The following RARB variants were observed in gnomAD, a reference collection of about 807,000 sequenced individuals.
The protein encoded by RARB is retinoic acid receptor beta.
Under a neutral mutation model 51.9 loss-of-function variants are expected in RARB, and 17 were observed. The observed-to-expected ratio is 0.33, with a 90% CI of 0.22 to 0.49. The LOEUF is 0.49. RARB is among the 20% of genes least tolerant of loss of function. The pLI, the probability that RARB is intolerant of heterozygous loss-of-function variation, is 0.99. For synonymous variants in RARB, 215 were observed against 195.4 expected (o/e 1.10, Z -0.84); for missense variants, 369 against 550.8 (o/e 0.67, Z 3.30).
At chr3:25,545,711 C>T (rs1214526890) in intron 3 of RARB, among the ~76,000 whole-genome samples, 1 of 152,122 alleles carries the variant, frequency 6.6e-6, no homozygotes, top group Non-Finnish European at 1.5e-5. Context: ...AGGGCTGCAC[C>T]CCTCTCTCCT....
At chr3:24,863,617 G>C (rs1575041726) in intron 2 of RARB, among the ~76,000 whole-genome samples, 1 of 151,818 alleles carries the variant, frequency 6.6e-6, no homozygotes, top group South Asian at 2.1e-4. Flanking sequence ...TTGTACGCCT[G>C]GCCTGTTCAT....
chr3:24,975,224 ATAATTC>A (rs1167214013), intron 2 of RARB, among the ~76,000 whole-genome samples: 4 of 152,292 alleles, frequency 2.6e-5, no homozygotes, highest in African/African-American at 7.2e-5. Flanking sequence ...GCATGTGCTG[ATAATTC>A]TAATTCTATC....
chr3:25,354,681 G>C (rs1705678599), intron 5 of RARB, among the ~76,000 whole-genome samples: 1 of 152,058 alleles, frequency 6.6e-6, no homozygotes, highest in South Asian at 2.1e-4. Flanking sequence ...ACTATTCTGA[G>C]TAAAATGCCT....
At chr3:25,467,446 G>C (rs1695487685) in intron 2 of RARB, among the ~76,000 whole-genome samples, 1 of 146,006 alleles carries the variant, frequency 6.8e-6, no homozygotes, top group Non-Finnish European at 1.5e-5. Flanking sequence ...CATTAGCCTA[G>C]CCTAGGCTTC....
At chr3:25,078,913 G>A (rs1170129949) in intron 3 of RARB, among the ~76,000 whole-genome samples, 3 of 152,090 alleles carry the variant, frequency 2.0e-5, no homozygotes, top group Non-Finnish European at 4.4e-5. Context: ...TCAGCTTGTC[G>A]AACTCTACAA....
At chr3:25,194,461 A>G (rs1043064287) in intron 5 of RARB, among the ~76,000 whole-genome samples, 4 of 151,062 alleles carry the variant, frequency 2.6e-5, no homozygotes, top group Non-Finnish European at 5.9e-5. Flanking sequence ...ATCAAATAGT[A>G]TATATATACA....
At chr3:25,260,015 G>GT (rs1161611167) in intron 5 of RARB, 16 of 983,746 alleles carry the variant, frequency 1.6e-5, no homozygotes, top group Non-Finnish European at 1.9e-5. Context: ...TTTTTGAAAC[G>GT]TTTTTCCCCT....
chr3:25,146,425 C>A (rs1266110769), intron 4 of RARB, among the ~76,000 whole-genome samples: 4 of 151,786 alleles, frequency 2.6e-5, no homozygotes, highest in Non-Finnish European at 5.9e-5. Flanking sequence ...GGGTTATATC[C>A]CAATAAAAAT....
At chr3:25,245,955 C>T (rs143319474) in intron 5 of RARB, among the ~76,000 whole-genome samples, 2 of 152,218 alleles carry the variant, frequency 1.3e-5, no homozygotes, top group African/African-American at 4.8e-5. Flanking sequence ...TCAGTTATAC[C>T]AATCAAACGT....
intron 5 of RARB, among the ~76,000 whole-genome samples, chr3:25,415,022 A>G (rs1707662525): frequency 6.6e-6 from 1 of 152,100 alleles, no homozygotes; most frequent in Non-Finnish European, 1.5e-5. Flanking sequence ...TTATATTTTT[A>G]GTAGAGACGG....
chr3:25,490,135 T>C (rs1416394245), intron 2 of RARB, among the ~76,000 whole-genome samples: 2 of 152,196 alleles, frequency 1.3e-5, no homozygotes, highest in Admixed American at 6.5e-5. Context: ...GCTTTCCTTC[T>C]CCCATTCTCA....
intron 2 of RARB, among the ~76,000 whole-genome samples, chr3:24,978,860 A>G (rs1341094228): frequency 6.6e-6 from 1 of 151,750 alleles, no homozygotes; most frequent in Non-Finnish European, 1.5e-5. Flanking sequence ...TCTATTTTAG[A>G]TCTTTTCTGT....
chr3:25,481,190 A>G (rs145988670), intron 2 of RARB, among the ~76,000 whole-genome samples: 1 of 152,296 alleles, frequency 6.6e-6, no homozygotes, highest in East Asian at 1.9e-4. Context: ...AAATATTAGG[A>G]AAGAACATTA....
intron 3 of RARB, among the ~76,000 whole-genome samples, chr3:25,122,096 C>T (rs942371162): frequency 1.3e-5 from 2 of 152,168 alleles, no homozygotes; most frequent in East Asian, 3.9e-4. Flanking sequence ...CAGAAACCCA[C>T]AACGCAAATA....
intron 5 of RARB, among the ~76,000 whole-genome samples, chr3:25,282,177 C>T (rs1703540008): frequency 6.6e-6 from 1 of 152,140 alleles, no homozygotes; most frequent in Non-Finnish European, 1.5e-5. Context: ...CCCTGTATTA[C>T]CCTACTGACT....
At chr3:25,593,146 A>C (rs1701676884) in intron 5 of RARB, among the ~76,000 whole-genome samples, 1 of 152,156 alleles carries the variant, frequency 6.6e-6, no homozygotes, top group African/African-American at 2.4e-5. Context: ...AAGCTCTTAA[A>C]AAATAGAATC....
intron 3 of RARB, among the ~76,000 whole-genome samples, chr3:25,078,840 A>T (rs893595439): frequency 2.0e-5 from 3 of 151,962 alleles, no homozygotes; most frequent in African/African-American, 7.2e-5. Context: ...TGAACTTTGT[A>T]TTTCTATTGT....
chr3:25,384,693 G>A (rs1297250141), intron 5 of RARB, among the ~76,000 whole-genome samples: 1 of 152,124 alleles, frequency 6.6e-6, no homozygotes, highest in African/African-American at 2.4e-5. Flanking sequence ...GCAGGAGGTG[G>A]GCTGATGTGT....
chr3:25,439,285 A>G (rs558258586), intron 1 of RARB, among the ~76,000 whole-genome samples: 6 of 151,520 alleles, frequency 4.0e-5, no homozygotes, highest in African/African-American at 1.4e-4. Flanking sequence ...TTAAGTATCT[A>G]TTGTGTGCAG....
Sources: allele counts gnomAD v4.1 joint callset (sites outside exome capture counted in the v4.1 genomes callset), GRCh38; gene constraint gnomAD v4.1.1; transcripts MANE v1.5; gene names NCBI Gene and HGNC (gene_info 2026-07-23, HGNC 2026-07-21).